IL18: variants seen among roughly 807,000 people sequenced by gnomAD.
IL18 encodes interleukin 18, also known as interleukin-18.
A neutral mutation model predicts 14.2 loss-of-function variants in IL18; 8 were observed. The observed-to-expected ratio is 0.56, with a 90% CI of 0.33 to 1.01. The LOEUF is 1.01. IL18 is among the 50% of genes least tolerant of loss of function. The pLI, the probability that IL18 is intolerant of heterozygous loss-of-function variation, is 0.03. For missense variants in IL18, 166 were observed against 231.1 expected (o/e 0.72, Z 1.83); for synonymous variants, 67 against 71.0 (o/e 0.94, Z 0.28).
intron 5 of IL18, among the ~76,000 whole-genome samples, chr11:112,145,148 T>C (rs1003851996): frequency 6.6e-6 from 1 of 152,200 alleles, no homozygotes; most frequent in African/African-American, 2.4e-5. Context: ...AGACTCTGGA[T>C]GGCAGAGGTC....
intron 2 of IL18, 49 bp from the exon 3 acceptor site, chr11:112,153,652 C>T (rs368177099): frequency 4.2e-5 from 58 of 1,371,288 alleles, no homozygotes; most frequent in South Asian, 1.6e-4. Context: ...TTTTGTATTT[C>T]GACTCAGAAT....
intron 2 of IL18, among the ~76,000 whole-genome samples, chr11:112,154,388 T>C (rs983487370): frequency 6.6e-6 from 1 of 151,740 alleles, no homozygotes; most frequent in South Asian, 2.1e-4. Context: ...TAGCCAGGCA[T>C]GGTGGGATGC....
rs1304740940 is a variant in IL18, at chr11:112,158,523, T to TTTTTTTTTTTG, written c.-8-3463_-8-3462insCAAAAAAAAAA. The stretch of plus-strand genomic sequence containing the variant: ...TGGTTTCAACATATTTATTTGGAGT[T>TTTTTTTTTTTG]TTTTTTTTTTTGCACAGCAGTAACA... On this transcript the variant is annotated intron_variant, in intron 1 of 5. Coordinates refer to ENST00000280357, the MANE Select transcript of IL18 (RefSeq NM_001562.4). Among the ~76,000 whole-genome samples, 24 of 146,284 alleles carry TTTTTTTTTTTG rather than the reference T, an allele frequency of 1.6e-4. 1 individual carries two copies. The highest frequency in any genetic ancestry group is 5.8e-4 in the African/African-American group (23 of 39,938).
intron 1 of IL18, among the ~76,000 whole-genome samples, chr11:112,156,237 A>G (rs1263658991): frequency 6.6e-6 from 1 of 152,186 alleles, no homozygotes; most frequent in Non-Finnish European, 1.5e-5. Flanking sequence ...AAAAAAAATT[A>G]ATCTGAATTA....
At chr11:112,163,783 T>A (rs1866677291) in intron 1 of IL18, 123 bp downstream of exon 1, 1 of 152,400 alleles carries the variant, frequency 6.6e-6, no homozygotes, top group South Asian at 2.1e-4. Flanking sequence ...ATTTCTTATG[T>A]TGATACTGAC....
At chr11:112,152,409 C>T (rs958965307) in intron 3 of IL18, among the ~76,000 whole-genome samples, 4 of 152,240 alleles carry the variant, frequency 2.6e-5, no homozygotes, top group Admixed American at 2.6e-4. Context: ...CCTCTCAACC[C>T]TTAATTTTGT....
At chr11:112,144,372 G>C (rs1307125480) in intron 5 of IL18, among the ~76,000 whole-genome samples, 1 of 152,144 alleles carries the variant, frequency 6.6e-6, no homozygotes. Context: ...AGCTGGGACT[G>C]TAAGTATACA....
chr11:112,149,778 G>T (rs555213411), intron 4 of IL18, among the ~76,000 whole-genome samples: 6 of 151,518 alleles, frequency 4.0e-5, no homozygotes, highest in African/African-American at 1.5e-4. Context: ...TAACAAGCAG[G>T]GATTAAGCAT....
chr11:112,157,172 A>C (rs1426077157), intron 1 of IL18, among the ~76,000 whole-genome samples: 3 of 152,222 alleles, frequency 2.0e-5, no homozygotes, highest in Non-Finnish European at 4.4e-5. Context: ...GACATTTGTT[A>C]ACCTGAGAGG....
At chr11:112,143,896 A>G (rs1866290444) in intron 5 of IL18, 79 bp from the exon 6 acceptor site, 1 of 903,040 alleles carries the variant, frequency 1.1e-6, no homozygotes, top group South Asian at 1.7e-5. Context: ...GAAGTATATT[A>G]CCAAACAGAA....
Position 112,153,297 on chromosome 11 carries a change from A to G in IL18, c.91+295T>C, listed in dbSNP as rs566935940. The G allele has an allele frequency of 3.8e-5, 11 of 292,408 alleles. No individual in the cohort carries two copies. The East Asian group carries it at 3.8e-4, about 10-fold the overall frequency. 18.1% of individuals were successfully genotyped at this position (292,408 alleles called of 1,614,324 possible). On this transcript the variant is annotated intron_variant, in intron 3 of 5. Coordinates refer to ENST00000280357, the MANE Select transcript of IL18 (RefSeq NM_001562.4). ...TATGCAACGCTCCCCCTACAACAGA[A>G]TCCATGACTTCATGCTAATCTTAGG...
intron 3 of IL18, among the ~76,000 whole-genome samples, chr11:112,151,957 A>G (rs1866446522): frequency 6.6e-6 from 1 of 152,068 alleles, no homozygotes; most frequent in Non-Finnish European, 1.5e-5. Flanking sequence ...CTCACTTTAC[A>G]CATTTCCTCT....
intron 3 of IL18, chr11:112,150,407 C>T: frequency 2.1e-6 from 1 of 473,510 alleles, no homozygotes; most frequent in South Asian, 2.6e-5. Context: ...AACTACTCTG[C>T]CTCTGAAGTG....
chr11:112,162,534 G>T (rs928635640), intron 1 of IL18, among the ~76,000 whole-genome samples: 2 of 152,154 alleles, frequency 1.3e-5, no homozygotes, highest in African/African-American at 4.8e-5. Flanking sequence ...TGGAGAGACA[G>T]GGTTTTTGCC....
chr11:112,158,171 A>AG lies in IL18; in HGVS notation c.-8-3111dup, dbSNP rs569668181. Among the ~76,000 whole-genome samples, 8 of 151,882 alleles carry AG rather than the reference A, an allele frequency of 5.3e-5. No homozygotes were observed. In the East Asian group the frequency reaches 1.2e-3, roughly 22 times the overall value. ...CTAATTTTGTATTCTTTTAGTAGTG[A>AG]GGGGGGCGGGTTTCTCCATGTTGGT... is the stretch of plus-strand genomic sequence containing the variant. On this transcript the variant is annotated intron_variant, in intron 1 of 5. Coordinates refer to ENST00000280357, the MANE Select transcript of IL18 (RefSeq NM_001562.4).
intron 3 of IL18, chr11:112,151,208 C>T (rs919527782): frequency 6.6e-6 from 1 of 152,234 alleles, no homozygotes; most frequent in East Asian, 1.9e-4. Context: ...CAAAGATATG[C>T]CCTTATTGTG....
intron 2 of IL18, among the ~76,000 whole-genome samples, chr11:112,153,893 T>C (rs1352163789): frequency 6.6e-6 from 1 of 152,148 alleles, no homozygotes; most frequent in Admixed American, 6.5e-5. Flanking sequence ...AAATTAGAGA[T>C]TTTACTTTTA....
intron 1 of IL18, among the ~76,000 whole-genome samples, chr11:112,163,172 C>T (rs879931748): frequency 6.6e-6 from 1 of 151,918 alleles, no homozygotes; most frequent in Non-Finnish European, 1.5e-5. Context: ...TTTATTCAGC[C>T]CTTTCCTTAA....
chr11:112,155,023 T>G lies in IL18; in HGVS notation c.31A>C (p.Ile11Leu). Residue 11 changes from isoleucine to leucine, a missense_variant, in exon 2 of 6, where the codon ATC becomes CTC. Transcript: ENST00000280357. ...ATAAATTTCATTGCCACAAAGTTGATGCAATTGTCTTCTACTGGTTCAGCA... is the reference window on the plus strand; with the variant it reads ...ATAAATTTCATTGCCACAAAGTTGAGGCAATTGTCTTCTACTGGTTCAGCA... MAAEPVEDNC[I>L]NFVAMKFIDN... is the part of the protein sequence containing the mutation. 1.2e-6 allele frequency: 2 copies of G among 1,613,052 alleles called. No homozygotes were observed. The highest frequency in any genetic ancestry group is 1.7e-6 in the Non-Finnish European group (2 of 1,179,120).
Sources: gnomAD v4.1 joint callset for allele counts (sites outside exome capture counted in the v4.1 genomes callset) on GRCh38, gnomAD v4.1.1 for gene constraint, MANE v1.5 for transcripts, NCBI Gene and HGNC (gene_info 2026-07-23, HGNC 2026-07-21) for gene names.